CFTR: variants seen among roughly 807,000 people sequenced by gnomAD.
CFTR encodes the protein cystic fibrosis transmembrane conductance regulator.
CFTR carries 181 observed loss-of-function variants against 171.6 expected under a neutral mutation model. That is an observed-to-expected ratio of 1.05 (90% CI 0.93 to 1.19). The LOEUF is 1.19. CFTR is among the 50% of genes most tolerant of loss of function. The probability of loss-of-function intolerance (pLI) is 0.00; values close to 1 mark genes in which losing one functional copy is unlikely to be tolerated. For synonymous variants in CFTR, 583 were observed against 608.0 expected (o/e 0.96, Z 0.60); for missense variants, 1,968 against 1,734.7 (o/e 1.13, Z -2.39).
intron 11 of CFTR, among the ~76,000 whole-genome samples, chr7:117,580,446 TTGTTTTGTA>T (rs1791833495): frequency 6.6e-6 from 1 of 152,078 alleles, no homozygotes; most frequent in Non-Finnish European, 1.5e-5. Flanking sequence ...ATTCTTTTGG[TTGTTTTGTA>T]AAGGAACCTG....
chr7:117,541,014 G>A lies in CFTR; in HGVS notation c.1116+668G>A, dbSNP rs117163595. ...AGAATTGGAATAACTAGTCAACTGC[G>A]TCCTCCTTTTCCACAAGCTGTGACA... On this transcript the variant is annotated intron_variant, in intron 8 of 26. Transcript: ENST00000003084. Among the ~76,000 whole-genome samples, 8 of 152,232 alleles carry A rather than the reference G, an allele frequency of 5.3e-5. No individual in the cohort carries two copies. The East Asian group carries it at 1.2e-3, about 22-fold the overall frequency.
At chr7:117,666,525 C>G (rs1702895792) in intron 26 of CFTR, among the ~76,000 whole-genome samples, 1 of 152,170 alleles carries the variant, frequency 6.6e-6, no homozygotes, top group Non-Finnish European at 1.5e-5. Context: ...CAGGCACATC[C>G]TGACCAATTT....
In CFTR at chr7:117,490,887, A is replaced by C. The variant is rs564995770; in HGVS notation, c.53+10740A>C. Reference sequence around the variant, plus strand: ...TGAATTATGAAGGTCACACTCCTACAAATGCCCCTTCCCAATTGCACATCT... The same window carrying C: ...TGAATTATGAAGGTCACACTCCTACCAATGCCCCTTCCCAATTGCACATCT... On this transcript the variant is annotated intron_variant, in intron 1 of 26. Transcript: ENST00000003084. Among the ~76,000 whole-genome samples, 4 of 152,200 alleles carry C rather than the reference A, an allele frequency of 2.6e-5. No individual in the cohort carries two copies. In the South Asian group the frequency reaches 8.3e-4, roughly 32 times the overall value.
chr7:117,491,002 T>C (rs1429869483), intron 1 of CFTR, among the ~76,000 whole-genome samples: 1 of 152,096 alleles, frequency 6.6e-6, no homozygotes, highest in Non-Finnish European at 1.5e-5. Context: ...CTGGGTAATA[T>C]GTCCTTAGGC....
chr7:117,481,817 A>G (rs1310441481), intron 1 of CFTR, among the ~76,000 whole-genome samples: 1 of 152,248 alleles, frequency 6.6e-6, no homozygotes, highest in Non-Finnish European at 1.5e-5. Context: ...TAAGTTAGGC[A>G]GTATTGCTTA....
rs1792750687 is a variant in CFTR, at chr7:117,631,761, T to C, written c.3717+3991T>C. Among the ~76,000 whole-genome samples, 2 of 152,192 alleles carry C rather than the reference T, an allele frequency of 1.3e-5. 1 individual carries two copies. Among genetic ancestry groups the C allele is most frequent in the Admixed American group, 1.3e-4 (2 of 15,270 alleles). On this transcript the variant is annotated intron_variant, in intron 22 of 26. Transcript: ENST00000003084. The stretch of plus-strand genomic sequence containing the variant: ...CGTTTATAATAAACTGGTAACCTAG[T>C]AAGTAAACTGTTACCCTGAGTTCTG...
rs1792254469 is a variant in CFTR, at chr7:117,603,419, T to G, written c.2658-113T>G. 4 of 1,208,474 alleles carry G rather than the reference T, an allele frequency of 3.3e-6. No homozygotes were observed. In the South Asian group the frequency reaches 5.1e-5, roughly 15 times the overall value. 74.9% of individuals were successfully genotyped at this position (1,208,474 alleles called of 1,614,324 possible). On this transcript the variant is annotated intron_variant, in intron 16 of 26. Coordinates refer to ENST00000003084, the MANE Select transcript of CFTR (RefSeq NM_000492.4). ...TTTTGAGGTTAAGGGTGCATGCTCT[T>G]CTAATGCAAAATATTGTATTTATTT...
chr7:117,520,736 A>G (rs1420310919), intron 3 of CFTR, among the ~76,000 whole-genome samples: 1 of 151,868 alleles, frequency 6.6e-6, no homozygotes, highest in Admixed American at 6.6e-5. Flanking sequence ...GTTTTTGATG[A>G]GTTTTCTTCC....
chr7:117,504,502 C>T (rs1317620842), intron 2 of CFTR, 139 bp downstream of exon 2: 1 of 627,554 alleles, frequency 1.6e-6, no homozygotes, highest in African/African-American at 1.8e-5. Flanking sequence ...GCCTGTAATC[C>T]CAACTATTTG....
intron 24 of CFTR, among the ~76,000 whole-genome samples, chr7:117,663,988 T>C (rs764278022): frequency 3.3e-5 from 5 of 152,212 alleles, no homozygotes; most frequent in Non-Finnish European, 7.3e-5. Flanking sequence ...AATACAGCCC[T>C]CATATTCTAC....
At chr7:117,548,333 GGTGTGT>G (rs3034794) in intron 9 of CFTR, among the ~76,000 whole-genome samples, 52 of 144,168 alleles carry the variant, frequency 3.6e-4, no homozygotes, top group African/African-American at 1.1e-3. Context: ...AGGAGAAGAG[GGTGTGT>G]GTGTGTGTGT....
chr7:117,577,020 T>A (rs1156905777), intron 11 of CFTR, among the ~76,000 whole-genome samples: 2 of 152,078 alleles, frequency 1.3e-5, no homozygotes, highest in Non-Finnish European at 2.9e-5. Context: ...AGAAAATGGA[T>A]GACAGGAGAA....
At chr7:117,555,508 C>T (rs1466548933) in intron 10 of CFTR, among the ~76,000 whole-genome samples, 1 of 152,136 alleles carries the variant, frequency 6.6e-6, no homozygotes, top group Non-Finnish European at 1.5e-5. Context: ...TTGCATATTG[C>T]AGTAAAAAGT....
chr7:117,495,193 A>G (rs1159716935), intron 1 of CFTR, among the ~76,000 whole-genome samples: 1 of 152,176 alleles, frequency 6.6e-6, no homozygotes, highest in Non-Finnish European at 1.5e-5. Flanking sequence ...AGCAATTTAT[A>G]GGGTAGTTAA....
chr7:117,529,435 G>A (rs1218522023), intron 3 of CFTR, among the ~76,000 whole-genome samples: 7 of 135,992 alleles, frequency 5.1e-5, no homozygotes, highest in Non-Finnish European at 1.1e-4. Flanking sequence ...GTTAGTGGGT[G>A]CAGCGCACCA....
intron 24 of CFTR, among the ~76,000 whole-genome samples, chr7:117,658,614 A>G (rs1793217567): frequency 6.6e-6 from 1 of 151,944 alleles, no homozygotes; most frequent in Non-Finnish European, 1.5e-5. Flanking sequence ...CCCACCACAT[A>G]CCTGTCCTGT....
intron 23 of CFTR, among the ~76,000 whole-genome samples, chr7:117,649,283 T>C (rs1173142280): frequency 6.8e-6 from 1 of 147,484 alleles, no homozygotes; most frequent in Non-Finnish European, 1.5e-5. Context: ...ATGGGATGTG[T>C]GTGTGTGTGT....
chr7:117,540,456 T>A, intron 8 of CFTR, 110 bp downstream of exon 8: 1 of 1,019,218 alleles, frequency 9.8e-7, no homozygotes, highest in Non-Finnish European at 1.4e-6. Context: ...AGAAATTTCC[T>A]TCACTAGGAA....
chr7:117,547,996 C>T (rs1459000945), intron 9 of CFTR, among the ~76,000 whole-genome samples: 1 of 152,156 alleles, frequency 6.6e-6, no homozygotes, highest in South Asian at 2.1e-4. Flanking sequence ...AAGCTTCCCA[C>T]GGGGGCAATA....
Sources: allele counts gnomAD v4.1 joint callset (sites outside exome capture counted in the v4.1 genomes callset), GRCh38; gene constraint gnomAD v4.1.1; transcripts MANE v1.5; gene names NCBI Gene and HGNC (gene_info 2026-07-23, HGNC 2026-07-21).